Variants in DENND10 observed in about 807,000 individuals in gnomAD.
DENND10 encodes the protein DENN domain-containing protein 10.
A neutral mutation model predicts 43.6 loss-of-function variants in DENND10; 24 were observed. The ratio of observed to expected loss-of-function variants is 0.55; its 90% CI spans 0.40 to 0.77. DENND10 has a LOEUF of 0.77. DENND10 is among the 30% of genes least tolerant of loss of function. The pLI is 0.00. For missense variants in DENND10, 303 were observed against 429.9 expected (o/e 0.70, Z 2.61); for synonymous variants, 125 against 157.6 (o/e 0.79, Z 1.55).
chr10:119,130,572 A>G (rs1846036301), intron 7 of DENND10, among the ~76,000 whole-genome samples: 1 of 152,216 alleles, frequency 6.6e-6, no homozygotes, highest in Non-Finnish European at 1.5e-5. Flanking sequence ...TGCTGGGGTT[A>G]CAGGCGTGAG....
At chr10:119,125,837 T>C (rs117928573) in intron 6 of DENND10, among the ~76,000 whole-genome samples, 1 of 152,234 alleles carries the variant, frequency 6.6e-6, no homozygotes, top group Non-Finnish European at 1.5e-5. Context: ...TATTTTTAAA[T>C]ATACAATAAA....
chr10:119,135,984 T>G (rs1846337264), intron 8 of DENND10, among the ~76,000 whole-genome samples: 1 of 152,018 alleles, frequency 6.6e-6, no homozygotes, highest in African/African-American at 2.4e-5. Flanking sequence ...GAGACCAGCC[T>G]GGGCAACATG....
In DENND10 at chr10:119,123,533, A is replaced by G. The variant is rs74157632; in HGVS notation, c.658A>G (p.Asn220Asp). The G allele has an allele frequency of 0.019, 29,835 of 1,612,522 alleles. 1,726 individuals carry two copies. In the African/African-American group the frequency reaches 0.19, roughly 11 times the overall value. ...CATCCTTCACTCTTACGTGCACCTC[A>G]ACGCCGATGAGCTGGAAGCCCTGCA... ...WTILHSYVHL[N>D]ADELEALQMC... Residue 220 changes from asparagine (N) to aspartate (D), a missense_variant, in exon 6 of 9, where the codon AAC becomes GAC. Transcript: ENST00000361432.
chr10:119,115,317 T>G (rs1845196643), intron 3 of DENND10, among the ~76,000 whole-genome samples: 1 of 151,436 alleles, frequency 6.6e-6, no homozygotes, highest in Admixed American at 6.6e-5. Flanking sequence ...ATTTTACATG[T>G]GTGAAAGCTC....
At position 119,111,899 on chromosome 10, in the gene DENND10, G is replaced by A. The variant is rs745767471; in HGVS notation, c.303G>A (p.Lys101=). Reference sequence around the variant, plus strand: ...CCGCCAAAGATTTTAACCCAGAGAAGTATGCTGCCTTCACTAGGATATTGT... The same window carrying A: ...CCGCCAAAGATTTTAACCCAGAGAAATATGCTGCCTTCACTAGGATATTGT... ...VLTAKDFNPE[K]YAAFTRILCR... is the part of the protein sequence containing the mutation. The change falls in exon 3 of 9, where the codon AAG becomes AAA. Residue 101 remains lysine (K), a synonymous_variant. Transcript: ENST00000361432. 13 of 1,613,178 alleles carry A rather than the reference G, an allele frequency of 8.1e-6. No individual in the cohort carries two copies. Among genetic ancestry groups the A allele is most frequent in the Non-Finnish European group, 9.3e-6 (11 of 1,179,214 alleles).
chr10:119,123,597 C>T, intron 6 of DENND10, 28 bp downstream of exon 6: 1 of 1,349,316 alleles, frequency 7.4e-7, no homozygotes. Flanking sequence ...AGGGGAGGAA[C>T]TGTTTCACTT....
At chr10:119,112,100 ACTTCT>A (rs368202400) in intron 3 of DENND10, among the ~76,000 whole-genome samples, 172 bp downstream of exon 3, 10 of 152,268 alleles carry the variant, frequency 6.6e-5, no homozygotes, top group African/African-American at 2.4e-4. Context: ...CTCTGTTGAT[ACTTCT>A]CTTATTTGGG....
intron 3 of DENND10, among the ~76,000 whole-genome samples, chr10:119,116,445 G>A (rs952242111): frequency 6.6e-6 from 1 of 152,098 alleles, no homozygotes; most frequent in Non-Finnish European, 1.5e-5. Flanking sequence ...CTCGTCAAAG[G>A]AAATCTCAGT....
At chr10:119,123,135 G>A (rs1220103773) in intron 5 of DENND10, among the ~76,000 whole-genome samples, 2 of 152,166 alleles carry the variant, frequency 1.3e-5, no homozygotes, top group Non-Finnish European at 1.5e-5. Context: ...GGGCCGTGGT[G>A]GCAGGCACCT....
rs770983524 is a variant in DENND10 at position 119,119,720 on chromosome 10, A to ATT, written c.482-605_482-604dup. ...ATGAGTCACCCTGCACCTGGCAGAC[A>ATT]TTTTTTTTTTTTTTTTTAAATCAGG... On this transcript the variant is annotated intron_variant, in intron 4 of 8. Transcript: ENST00000361432. 9.2e-5 allele frequency among the ~76,000 whole-genome samples: 13 copies of ATT among 140,634 alleles called. 1 individual carries two copies. The South Asian group carries it at 2.3e-3, about 24-fold the overall frequency. 92.3% of individuals were successfully genotyped at this position (140,634 alleles called of 152,430 possible).
At chr10:119,121,516 G>A (rs892703172) in intron 5 of DENND10, among the ~76,000 whole-genome samples, 13 of 148,000 alleles carry the variant, frequency 8.8e-5, no homozygotes, top group African/African-American at 3.0e-4. Context: ...GTACAGTGGC[G>A]CGATCTTGGC....
intron 1 of DENND10, chr10:119,105,533 C>A: frequency 8.6e-7 from 1 of 1,156,926 alleles, no homozygotes; most frequent in Non-Finnish European, 1.1e-6. Context: ...GATTTTCAAA[C>A]TGCTTCAAAA....
At chr10:119,112,860 T>A (rs1466939156) in intron 3 of DENND10, among the ~76,000 whole-genome samples, 1 of 151,860 alleles carries the variant, frequency 6.6e-6, no homozygotes, top group African/African-American at 2.4e-5. Context: ...TATTATGTTT[T>A]TTTTTTTGAG....
At position 119,117,529 on chromosome 10, in the gene DENND10, A is replaced by G; in HGVS notation, c.343A>G (p.Lys115Glu). 1 of 1,613,296 alleles carries G rather than the reference A, an allele frequency of 6.2e-7. No individual in the cohort carries two copies. The highest frequency in any genetic ancestry group is 8.5e-7 in the Non-Finnish European group (1 of 1,179,548). ...FTRILCRMYLKHGSPVKMMES... is the reference protein window; with the variant it reads ...FTRILCRMYLEHGSPVKMMES... Reference sequence around the variant, plus strand: ...TGTCCTTTCTTACAGAATGTACCTGAAACATGGGAGCCCAGTTAAAATGAT... The same window carrying G: ...TGTCCTTTCTTACAGAATGTACCTGGAACATGGGAGCCCAGTTAAAATGAT... Residue 115 changes from lysine to glutamate, a missense_variant, in exon 4 of 9, where the codon AAA becomes GAA. By Grantham distance (56) the Lys-to-Glu change is moderately conservative (BLOSUM62 1). Coordinates refer to ENST00000361432, the MANE Select transcript of DENND10 (RefSeq NM_207009.4).
chr10:119,116,625 G>C (rs1589724682), intron 3 of DENND10, among the ~76,000 whole-genome samples: 3 of 151,116 alleles, frequency 2.0e-5, no homozygotes, highest in Admixed American at 6.6e-5. Flanking sequence ...CCAAAGAATT[G>C]TTGAAGGTCT....
chr10:119,110,457 A>C (rs1257203927), intron 2 of DENND10, among the ~76,000 whole-genome samples: 2 of 151,314 alleles, frequency 1.3e-5, no homozygotes, highest in East Asian at 1.9e-4. Flanking sequence ...TAAGTAAATG[A>C]AGGTTTTTTT....
chr10:119,123,591 G>T, intron 6 of DENND10, 22 bp downstream of exon 6: 1 of 1,540,080 alleles, frequency 6.5e-7, no homozygotes, highest in Non-Finnish European at 8.9e-7. Flanking sequence ...GATCCCAGGG[G>T]AGGAACTGTT....
intron 2 of DENND10, among the ~76,000 whole-genome samples, chr10:119,110,849 T>C (rs1216440633): frequency 6.6e-6 from 1 of 152,208 alleles, no homozygotes; most frequent in Non-Finnish European, 1.5e-5. Context: ...TTTTGTTGTT[T>C]TTCATCCTTT....
chr10:119,113,651 A>G (rs1406199204), intron 3 of DENND10, among the ~76,000 whole-genome samples: 2 of 148,372 alleles, frequency 1.3e-5, no homozygotes, highest in African/African-American at 2.5e-5. Context: ...GCTTTTGGCT[A>G]TTTTTGTGCG....
Sources: allele counts gnomAD v4.1 joint callset (sites outside exome capture counted in the v4.1 genomes callset), GRCh38; gene constraint gnomAD v4.1.1; transcripts MANE v1.5; gene names NCBI Gene and HGNC (gene_info 2026-07-23, HGNC 2026-07-21).